Variants in TSPYL1 observed in about 807,000 individuals in gnomAD.
The protein encoded by TSPYL1 is TSPY like 1.
A neutral mutation model predicts 20.1 loss-of-function variants in TSPYL1; 16 were observed. The ratio of observed to expected loss-of-function variants is 0.80; its 90% CI spans 0.54 to 1.21. TSPYL1 has a LOEUF of 1.21. Among genes scored for constraint, TSPYL1 ranks in the 50% most tolerant of loss-of-function variants. The probability of loss-of-function intolerance (pLI) is 0.00; values close to 1 mark genes in which losing one functional copy is unlikely to be tolerated. For synonymous variants in TSPYL1, 259 were observed against 227.1 expected, an observed-to-expected ratio of 1.14 and a Z score of -1.26; for missense variants, 560 against 569.3, an observed-to-expected ratio of 0.98 and a Z score of 0.17.
rs988996935 is a variant in TSPYL1 at position 116,279,888 on chromosome 6, G to T, written c.-58C>A. On this transcript the variant is annotated 5_prime_UTR_variant, in exon 1 of 1. Transcript: ENST00000368608. ...GCCCGTTTTCCTCAGAGGCCGAACT[G>T]GGAGCTAACCGCCGCTCGCACCGCC... 1.2e-6 allele frequency: 2 copies of T among 1,611,338 alleles called. No individual in the cohort carries two copies. The highest frequency in any genetic ancestry group is 1.7e-5 in the Admixed American group (1 of 60,008).
At position 116,278,466 on chromosome 6, in the gene TSPYL1, C is replaced by A. The variant is rs1245345488; in HGVS notation, c.*51G>T. The A allele has an allele frequency of 2.5e-6, 4 of 1,611,956 alleles. No homozygotes were observed. The highest frequency in any genetic ancestry group is 3.4e-6 in the Non-Finnish European group (4 of 1,179,502). On this transcript the variant is annotated 3_prime_UTR_variant, in exon 1 of 1. Coordinates refer to ENST00000368608, the MANE Select transcript of TSPYL1 (RefSeq NM_003309.4). Reference sequence around the variant, plus strand: ...CATTGCTGATGCCCAAGCACAGGTCCAGCAGAAGGTGGTAGGAGACCTTGT... The same window carrying A: ...CATTGCTGATGCCCAAGCACAGGTCAAGCAGAAGGTGGTAGGAGACCTTGT...
Position 116,279,388 on chromosome 6 carries a change from GC to G in TSPYL1, c.442del (p.Ala148ArgfsTer8). 1 of 1,612,702 alleles carries G rather than the reference GC, an allele frequency of 6.2e-7. No homozygotes were observed. On this transcript the variant is annotated frameshift_variant, in exon 1 of 1. Transcript: ENST00000368608. LOFTEE classifies it low-confidence loss of function (END_TRUNC). ...CTTCACCTCCTCCGCCTCAGCCTCC[GC>G]CCCCGCCGTCAGCTCAGACGCGGAT... is the stretch of plus-strand genomic sequence containing the variant. ...QRSASELTAG[A>X]EAEAEEVKTG...
At position 116,274,993 on chromosome 6, in the gene TSPYL1, TA is replaced by T. The variant is rs1773060421; in HGVS notation, c.*3523del. On this transcript the variant is annotated 3_prime_UTR_variant, in exon 1 of 1. Coordinates refer to ENST00000368608, the MANE Select transcript of TSPYL1 (RefSeq NM_003309.4). ...TAAACAATGGCAAAATGAGGATAAT[TA>T]ATTTTTCAATATATTTTAACACAAT... 6.6e-6 allele frequency among the ~76,000 whole-genome samples: 1 copy of T among 152,186 alleles called. No individual in the cohort carries two copies. Among genetic ancestry groups the T allele is most frequent in the African/African-American group, 2.4e-5 (1 of 41,400 alleles).
In TSPYL1 at chr6:116,278,755, C is replaced by G. The variant is rs1773290593; in HGVS notation, c.1076G>C (p.Arg359Thr). ...AATGAAGGACTGGGGTTCATGCCCC[C>G]TGCGCCATATAATTGGAGTAGAAAG... Reference protein sequence around the residue: ...VSLSTPIIWRRGHEPQSFIRR... With the variant: ...VSLSTPIIWRTGHEPQSFIRR... Residue 359 changes from arginine to threonine, a missense_variant, in exon 1 of 1, where the codon AGG (arginine) becomes ACG (threonine). By Grantham distance (71) the Arg-to-Thr change is moderately conservative (BLOSUM62 -1). Transcript: ENST00000368608. 1.2e-6 allele frequency: 2 copies of G among 1,614,156 alleles called. No individual in the cohort carries two copies. The highest frequency in any genetic ancestry group is 1.7e-6 in the Non-Finnish European group (2 of 1,180,032).
At position 116,278,200 on chromosome 6, in the gene TSPYL1, A is replaced by C; in HGVS notation, c.*317T>G. 4 of 342,968 alleles carry C rather than the reference A, an allele frequency of 1.2e-5. No homozygotes were observed. The highest frequency in any genetic ancestry group is 1.7e-5 in the Non-Finnish European group (3 of 176,826). The allele number at this position is 342,968 out of a possible 1,614,324, so 21.2% of individuals were successfully genotyped here. On this transcript the variant is annotated 3_prime_UTR_variant, in exon 1 of 1. Coordinates refer to ENST00000368608, the MANE Select transcript of TSPYL1 (RefSeq NM_003309.4). Reference sequence around the variant, plus strand: ...AGCAACCAGTTCAGAGGCCCTGGGAATAAACAGGGTCCAAGCAGTGCAGAT... The same window carrying C: ...AGCAACCAGTTCAGAGGCCCTGGGACTAAACAGGGTCCAAGCAGTGCAGAT...
rs755654826 is a variant in TSPYL1 at position 116,279,879 on chromosome 6, G to A, written c.-49C>T. Reference sequence around the variant, plus strand: ...CAGGCGAACGCCCGTTTTCCTCAGAGGCCGAACTGGGAGCTAACCGCCGCT... The same window carrying A: ...CAGGCGAACGCCCGTTTTCCTCAGAAGCCGAACTGGGAGCTAACCGCCGCT... On this transcript the variant is annotated 5_prime_UTR_variant, in exon 1 of 1. Transcript: ENST00000368608. 4.3e-6 allele frequency: 7 copies of A among 1,612,564 alleles called. No individual in the cohort carries two copies. The African/African-American group carries it at 5.3e-5, about 12-fold the overall frequency.
chr6:116,279,817 T>C lies in TSPYL1; in HGVS notation c.14A>G (p.Asp5Gly), dbSNP rs1465014397. 1.2e-6 allele frequency: 2 copies of C among 1,613,030 alleles called. No homozygotes were observed. The highest frequency in any genetic ancestry group is 1.7e-6 in the Non-Finnish European group (2 of 1,180,026). The change falls in exon 1 of 1, where the codon GAT becomes GGT. Residue 5 changes from aspartate to glycine, a missense_variant. Physicochemically the swap from Asp to Gly is moderately conservative, Grantham distance 94 (BLOSUM62 -1). Coordinates refer to ENST00000368608, the MANE Select transcript of TSPYL1 (RefSeq NM_003309.4). The stretch of plus-strand genomic sequence containing the variant: ...GAGGGGAGTGGTCCTCTTGACCCCA[T>C]CCAGGCCGCTCATGTTGCTAACAGT... MSGL[D>G]GVKRTTPLQT...
rs1307536280 is a variant in TSPYL1, at chr6:116,275,275, C to T, written c.*3242G>A. ...TGTACAAAGTATATAAAAGGTAACCCAAAATTAAGTAGTGCTCTGTTAAAA... is the reference window on the plus strand; with the variant it reads ...TGTACAAAGTATATAAAAGGTAACCTAAAATTAAGTAGTGCTCTGTTAAAA... On this transcript the variant is annotated 3_prime_UTR_variant, in exon 1 of 1. Transcript: ENST00000368608. Among the ~76,000 whole-genome samples the T allele has an allele frequency of 6.6e-6, 1 of 152,116 alleles. No individual in the cohort carries two copies. Among genetic ancestry groups the T allele is most frequent in the East Asian group, 1.9e-4 (1 of 5,188 alleles).
At position 116,279,035 on chromosome 6, in the gene TSPYL1, C is replaced by T; in HGVS notation, c.796G>A (p.Glu266Lys). The T allele has an allele frequency of 6.2e-7, 1 of 1,613,686 alleles. No homozygotes were observed. Among genetic ancestry groups the T allele is most frequent in the Non-Finnish European group, 8.5e-7 (1 of 1,179,670 alleles). Residue 266 changes from glutamate to lysine, a missense_variant, in exon 1 of 1, where the codon GAG becomes AAG. Transcript: ENST00000368608. ...KFGRMRRHYL[E>K]RRNYIIQNIP... ...TTCTGAATGATGTAGTTCCTCCGCTCCAGGTAGTGTCGACGCATCCGCCCA... is the reference window on the plus strand; with the variant it reads ...TTCTGAATGATGTAGTTCCTCCGCTTCAGGTAGTGTCGACGCATCCGCCCA...
At position 116,279,787 on chromosome 6, in the gene TSPYL1, G is replaced by T; in HGVS notation, c.44C>A (p.Thr15Asn). ...TTGGTCAGAAATAATGATGCTGTGG[G>T]TTTGGAGGGGAGTGGTCCTCTTGAC... ...DGVKRTTPLQ[T>N]HSIIISDQVP... The change falls in exon 1 of 1, where the codon ACC (threonine) becomes AAC (asparagine). Residue 15 changes from threonine (T) to asparagine (N), a missense_variant. Coordinates refer to ENST00000368608, the MANE Select transcript of TSPYL1 (RefSeq NM_003309.4). 6.2e-7 allele frequency: 1 copy of T among 1,612,900 alleles called. No homozygotes were observed. Among genetic ancestry groups the T allele is most frequent in the Non-Finnish European group, 8.5e-7 (1 of 1,180,032 alleles).
Position 116,276,984 on chromosome 6 carries a change from G to A in TSPYL1, c.*1533C>T, listed in dbSNP as rs1773171660. The A allele has an allele frequency of 1.3e-5, 2 of 152,138 alleles. No homozygotes were observed. Among genetic ancestry groups the A allele is most frequent in the Non-Finnish European group, 2.9e-5 (2 of 68,012 alleles). 9.4% of individuals were successfully genotyped at this position (152,138 alleles called of 1,614,324 possible). ...CAAGTTGTTCAAACTATGTTTCTAG[G>A]AATATAGTTTAACAGAAACAAGAAC... On this transcript the variant is annotated 3_prime_UTR_variant, in exon 1 of 1. Coordinates refer to ENST00000368608, the MANE Select transcript of TSPYL1 (RefSeq NM_003309.4).
Position 116,278,732 on chromosome 6 carries a change from TGAA to T in TSPYL1, c.1096_1098del (p.Phe366del), listed in dbSNP as rs781703026. 2.5e-6 allele frequency: 4 copies of T among 1,614,130 alleles called. No homozygotes were observed. In the Admixed American group the frequency reaches 6.7e-5, roughly 27 times the overall value. On this transcript the variant is annotated inframe_deletion, in exon 1 of 1. Transcript: ENST00000368608. Reference sequence around the variant, plus strand: ...CAGATGAGGTCTTGGTTTCTGCGAATGAAGGACTGGGGTTCATGCCCCCTGCGC... The same window carrying T: ...CAGATGAGGTCTTGGTTTCTGCGAATGGACTGGGGTTCATGCCCCCTGCGC...
chr6:116,277,908 C>CAAAAA lies in TSPYL1; in HGVS notation c.*604_*608dup, dbSNP rs57691187. 109 of 57,350 alleles carry CAAAAA rather than the reference C, an allele frequency of 1.9e-3. 1 individual carries two copies. The highest frequency in any genetic ancestry group is 5.6e-3 in the African/African-American group (100 of 17,766). 3.6% of individuals were successfully genotyped at this position (57,350 alleles called of 1,614,324 possible). A position where few individuals can be genotyped will look rare whatever the true frequency, so the allele number is the denominator to read the frequency against. Reference sequence around the variant, plus strand: ...CAGAGCAAGACTCCGTCCTCCGTCTCAAAAAAAAAAAAAAAAAAAAAAAAA... The same window carrying CAAAAA: ...CAGAGCAAGACTCCGTCCTCCGTCTCAAAAAAAAAAAAAAAAAAAAAAAAAAAAAA... On this transcript the variant is annotated 3_prime_UTR_variant, in exon 1 of 1. Transcript: ENST00000368608.
In TSPYL1 at chr6:116,279,282, C is replaced by G. The variant is rs1245788972; in HGVS notation, c.549G>C (p.Lys183Asn). 2 of 1,569,140 alleles carry G rather than the reference C, an allele frequency of 1.3e-6. No individual in the cohort carries two copies. The highest frequency in any genetic ancestry group is 1.7e-6 in the Non-Finnish European group (2 of 1,170,160). ...AEVVKEGLAE[K>N]EVMEEQMEVE... Reference sequence around the variant, plus strand: ...CCTCCATCTGCTCCTCCATTACCTCCTTCTCCGCCAGGCCTTCCTTCACCA... The same window carrying G: ...CCTCCATCTGCTCCTCCATTACCTCGTTCTCCGCCAGGCCTTCCTTCACCA... The change falls in exon 1 of 1, where the codon AAG becomes AAC. Residue 183 changes from lysine (K) to asparagine (N), a missense_variant. Lys to Asn is a moderately conservative substitution (Grantham distance 94). Coordinates refer to ENST00000368608, the MANE Select transcript of TSPYL1 (RefSeq NM_003309.4).
Position 116,275,411 on chromosome 6 carries a change from C to T in TSPYL1, c.*3106G>A, listed in dbSNP as rs1373241732. Among the ~76,000 whole-genome samples, 2 of 152,214 alleles carry T rather than the reference C, an allele frequency of 1.3e-5. No individual in the cohort carries two copies. The highest frequency in any genetic ancestry group is 2.9e-5 in the Non-Finnish European group (2 of 68,030). Reference sequence around the variant, plus strand: ...AATCTTTTTGACATTTTCCCATTTGCTCATTAAATCTTTCTGAGAACTAGG... The same window carrying T: ...AATCTTTTTGACATTTTCCCATTTGTTCATTAAATCTTTCTGAGAACTAGG... On this transcript the variant is annotated 3_prime_UTR_variant, in exon 1 of 1. Transcript: ENST00000368608.
At position 116,275,874 on chromosome 6, in the gene TSPYL1, A is replaced by C. The variant is rs1773117765; in HGVS notation, c.*2643T>G. On this transcript the variant is annotated 3_prime_UTR_variant, in exon 1 of 1. Transcript: ENST00000368608. ...GCATCTCCACTTTCACAAAGTTTCC[A>C]AACTACTGAGAGGAAAAGAGTGAAC... is the stretch of plus-strand genomic sequence containing the variant. Among the ~76,000 whole-genome samples, 1 of 151,892 alleles carries C rather than the reference A, an allele frequency of 6.6e-6. No individual in the cohort carries two copies. Among genetic ancestry groups the C allele is most frequent in the Non-Finnish European group, 1.5e-5 (1 of 67,992 alleles).
At position 116,276,642 on chromosome 6, in the gene TSPYL1, CT is replaced by C. The variant is rs1008025461; in HGVS notation, c.*1874del. ...TTAAGAACTTTAATGGATTAAAGGA[CT>C]TTAATGATTCCATAATTTTTAATTA... On this transcript the variant is annotated 3_prime_UTR_variant, in exon 1 of 1. Coordinates refer to ENST00000368608, the MANE Select transcript of TSPYL1 (RefSeq NM_003309.4). 2 of 151,998 alleles carry C rather than the reference CT, an allele frequency of 1.3e-5. No individual in the cohort carries two copies. The highest frequency in any genetic ancestry group is 2.9e-5 in the Non-Finnish European group (2 of 67,982). 9.4% of individuals were successfully genotyped at this position (151,998 alleles called of 1,614,324 possible).
rs1773116592 is a variant in TSPYL1, at chr6:116,275,843, T to C, written c.*2674A>G. On this transcript the variant is annotated 3_prime_UTR_variant, in exon 1 of 1. Transcript: ENST00000368608. The stretch of plus-strand genomic sequence containing the variant: ...GCTAGATGCAATGAACCATGTAAAA[T>C]GCACTGCATCTCCACTTTCACAAAG... Among the ~76,000 whole-genome samples, 1 of 148,044 alleles carries C rather than the reference T, an allele frequency of 6.8e-6. No individual in the cohort carries two copies. Among genetic ancestry groups the C allele is most frequent in the Admixed American group, 6.7e-5 (1 of 14,908 alleles).
At position 116,276,443 on chromosome 6, in the gene TSPYL1, T is replaced by G. The variant is rs1240121258; in HGVS notation, c.*2074A>C. On this transcript the variant is annotated 3_prime_UTR_variant, in exon 1 of 1. Coordinates refer to ENST00000368608, the MANE Select transcript of TSPYL1 (RefSeq NM_003309.4). ...GTAAGCAGTTGCAACTGCTAACGTTTTAAGGCAAACTACCTTGGAAGGTAC... is the reference window on the plus strand; with the variant it reads ...GTAAGCAGTTGCAACTGCTAACGTTGTAAGGCAAACTACCTTGGAAGGTAC... The G allele has an allele frequency of 6.6e-6, 1 of 152,220 alleles. No individual in the cohort carries two copies. The highest frequency in any genetic ancestry group is 1.5e-5 in the Non-Finnish European group (1 of 68,046). 9.4% of individuals were successfully genotyped at this position (152,220 alleles called of 1,614,324 possible).
Sources: gnomAD v4.1 joint callset for allele counts (sites outside exome capture counted in the v4.1 genomes callset) on GRCh38, gnomAD v4.1.1 for gene constraint, MANE v1.5 for transcripts, NCBI Gene and HGNC (gene_info 2026-07-23, HGNC 2026-07-21) for gene names.